CAMTA1: variants seen among roughly 807,000 people sequenced by gnomAD.
CAMTA1 encodes calmodulin binding transcription activator 1.
A neutral mutation model predicts 170.9 loss-of-function variants in CAMTA1; 27 were observed. That is an observed-to-expected ratio of 0.16 (90% confidence interval 0.12 to 0.22). The LOEUF (loss-of-function observed/expected upper bound fraction) is 0.22, where lower values mean the gene tolerates loss of function less well. Ranked by LOEUF, CAMTA1 falls within the 10% of genes least tolerant of loss-of-function variation. The pLI, the probability that CAMTA1 is intolerant of heterozygous loss-of-function variation, is 1.00. For missense variants in CAMTA1, 1,619 were observed against 2,217.2 expected, an observed-to-expected ratio of 0.73 and a Z score of 5.42; for synonymous variants, 833 against 891.5, an observed-to-expected ratio of 0.93 and a Z score of 1.17.
chr1:6,992,647 G>C (rs1160811052), intron 3 of CAMTA1, among the ~76,000 whole-genome samples: 1 of 152,182 alleles, frequency 6.6e-6, no homozygotes. Context: ...TTCAATTATG[G>C]CAGGAGGGAA....
At chr1:7,370,517 C>T (rs866112978) in intron 5 of CAMTA1, among the ~76,000 whole-genome samples, 1 of 152,042 alleles carries the variant, frequency 6.6e-6, no homozygotes, top group South Asian at 2.1e-4. Context: ...CATTACTGTC[C>T]GGGTCGTATT....
intron 3 of CAMTA1, among the ~76,000 whole-genome samples, chr1:6,877,974 CT>C (rs1197874209): frequency 2.6e-5 from 4 of 152,212 alleles, no homozygotes; most frequent in African/African-American, 9.6e-5. Flanking sequence ...CATTAACTGT[CT>C]TTTCATTTCT....
chr1:7,284,126 G>GTTCTTCTTCTTCTTCTTCTTCTTCTTC (rs202166286), intron 5 of CAMTA1, among the ~76,000 whole-genome samples: 2 of 106,938 alleles, frequency 1.9e-5, no homozygotes, highest in African/African-American at 3.6e-5. Context: ...ATTTGCTGCT[G>GTTCTTCTTCTTCTTCTTCTTCTTCTTC]TTCTTCTTCT....
intron 22 of CAMTA1, among the ~76,000 whole-genome samples, chr1:7,757,182 T>C (rs2096937431): frequency 6.6e-6 from 1 of 152,242 alleles, no homozygotes; most frequent in African/African-American, 2.4e-5. Flanking sequence ...TTATTTATTA[T>C]ATTTTAACCC....
intron 6 of CAMTA1, among the ~76,000 whole-genome samples, chr1:7,605,349 G>A (rs1211565032): frequency 6.6e-6 from 1 of 152,220 alleles, no homozygotes; most frequent in Admixed American, 6.5e-5. Flanking sequence ...GAGCTTCCCA[G>A]CCGCTTTATT....
At chr1:6,949,614 T>C (rs567780534) in intron 3 of CAMTA1, among the ~76,000 whole-genome samples, 1 of 152,346 alleles carries the variant, frequency 6.6e-6, no homozygotes, top group South Asian at 2.1e-4. Flanking sequence ...CCTGAAGACC[T>C]GGATTGGAGA....
At chr1:7,614,519 TATATG>T (rs1209691192) in intron 6 of CAMTA1, among the ~76,000 whole-genome samples, 17 of 152,164 alleles carry the variant, frequency 1.1e-4, no homozygotes, top group Non-Finnish European at 2.2e-4. Flanking sequence ...ACTTCCCAGA[TATATG>T]ACAGTGACAA....
chr1:6,836,539 T>G (rs1247930625), intron 3 of CAMTA1, among the ~76,000 whole-genome samples: 1 of 152,108 alleles, frequency 6.6e-6, no homozygotes, highest in Non-Finnish European at 1.5e-5. Context: ...GCCCTTCAGC[T>G]CTGGGGAATT....
intron 11 of CAMTA1, among the ~76,000 whole-genome samples, chr1:7,704,240 GC>G (rs2096478536): frequency 2.0e-5 from 3 of 146,640 alleles, no homozygotes. Flanking sequence ...GCTTCGGGCG[GC>G]CCCGACGGCG....
intron 3 of CAMTA1, among the ~76,000 whole-genome samples, chr1:6,958,508 C>G (rs1689852894): frequency 2.0e-5 from 3 of 152,232 alleles, no homozygotes; most frequent in Non-Finnish European, 4.4e-5. Context: ...CAACAGATTT[C>G]TGGAGCGCAT....
intron 6 of CAMTA1, among the ~76,000 whole-genome samples, chr1:7,551,956 A>G (rs1291563190): frequency 6.6e-6 from 1 of 151,602 alleles, no homozygotes; most frequent in African/African-American, 2.4e-5. Flanking sequence ...GTTCCAGGAT[A>G]TGCACTTTTT....
rs3011938 is a variant in CAMTA1 at position 7,715,355 on chromosome 1, G to T, written c.2915-17093G>T. On this transcript the variant is annotated intron_variant, in intron 11 of 22. Transcript: ENST00000303635. Reference sequence around the variant, plus strand: ...ATTTAACCATTCCGTCAACCACTTGGGGGGGTTCTGTAAGGATCTGCAGAT... The same window carrying T: ...ATTTAACCATTCCGTCAACCACTTGTGGGGGTTCTGTAAGGATCTGCAGAT... Among the ~76,000 whole-genome samples, 41 of 152,048 alleles carry T rather than the reference G, an allele frequency of 2.7e-4. 1 individual carries two copies. The East Asian group carries it at 7.5e-3, about 28-fold the overall frequency.
At chr1:7,191,648 A>AGTT (rs1654542226) in intron 4 of CAMTA1, among the ~76,000 whole-genome samples, 1 of 152,212 alleles carries the variant, frequency 6.6e-6, no homozygotes, top group Non-Finnish European at 1.5e-5. Context: ...TTGGTCATTA[A>AGTT]GTTTCAGGGA....
At chr1:6,833,850 A>C (rs866829099) in intron 3 of CAMTA1, among the ~76,000 whole-genome samples, 30 of 152,208 alleles carry the variant, frequency 2.0e-4, no homozygotes, top group African/African-American at 6.8e-4. Context: ...CAAAGTTAAA[A>C]ATTTTATATG....
chr1:7,065,754 G>C lies in CAMTA1; in HGVS notation c.235-25550G>C, dbSNP rs1445440276. 2.0e-5 allele frequency among the ~76,000 whole-genome samples: 3 copies of C among 152,180 alleles called. No homozygotes were observed. The highest frequency in any genetic ancestry group is 4.4e-5 in the Non-Finnish European group (3 of 68,034). On this transcript the variant is annotated intron_variant, in intron 3 of 22. Coordinates refer to ENST00000303635, the MANE Select transcript of CAMTA1 (RefSeq NM_015215.4). The surrounding 1 kb of genome is among the most constrained non-coding windows in gnomAD (Gnocchi z 5.2). ...GGTCAAAATATCTGACTGCAGAAAA[G>C]ACCAGTCAGGGAAATAATGATTTTT...
chr1:7,583,381 G>A (rs2095278677), intron 6 of CAMTA1, among the ~76,000 whole-genome samples: 1 of 152,136 alleles, frequency 6.6e-6, no homozygotes, highest in Admixed American at 6.5e-5. Context: ...TGGGCTGCAG[G>A]GTACTCTGAG....
chr1:6,858,601 C>A (rs1414955081), intron 3 of CAMTA1, among the ~76,000 whole-genome samples: 2 of 151,930 alleles, frequency 1.3e-5, no homozygotes, highest in African/African-American at 4.8e-5. Flanking sequence ...CTCTTTTGAT[C>A]AGTTAATTGG....
chr1:7,060,739 C>T (rs150813898), intron 3 of CAMTA1, among the ~76,000 whole-genome samples: 7 of 152,274 alleles, frequency 4.6e-5, no homozygotes, highest in East Asian at 3.9e-4. Context: ...CATTCTCTTC[C>T]GATTGCGGAA....
intron 4 of CAMTA1, among the ~76,000 whole-genome samples, chr1:7,125,647 T>C (rs891913995): frequency 2.0e-5 from 3 of 152,070 alleles, no homozygotes; most frequent in Non-Finnish European, 4.4e-5. Context: ...GGAAACAGGA[T>C]TGCAGAGGCT....
Sources: allele counts gnomAD v4.1 joint callset (sites outside exome capture counted in the v4.1 genomes callset), GRCh38; gene constraint gnomAD v4.1.1; non-coding constraint Gnocchi (gnomAD v3.1); transcripts MANE v1.5; gene names NCBI Gene and HGNC (gene_info 2026-07-23, HGNC 2026-07-21).